Variants in KAT6B observed in about 807,000 individuals in gnomAD.
KAT6B encodes the protein histone acetyltransferase KAT6B.
KAT6B carries 10 observed loss-of-function variants against 187.5 expected under a neutral mutation model. The ratio of observed to expected loss-of-function variants is 0.05; its 90% CI spans 0.03 to 0.09. The LOEUF is 0.09. KAT6B is among the 10% of genes least tolerant of loss of function. KAT6B has a pLI of 1.00. For synonymous variants in KAT6B, 861 were observed against 926.8 expected (o/e 0.93, Z 1.29); for missense variants, 1,952 against 2,558.9 (o/e 0.76, Z 5.12).
chr10:74,882,163 C>G (rs916556903), intron 3 of KAT6B, among the ~76,000 whole-genome samples: 2 of 152,258 alleles, frequency 1.3e-5, no homozygotes, highest in Non-Finnish European at 2.9e-5. Flanking sequence ...TCTGCCCCTT[C>G]TTCAAGATTT....
intron 3 of KAT6B, among the ~76,000 whole-genome samples, chr10:74,950,593 T>G (rs1011145034): frequency 6.6e-6 from 1 of 152,232 alleles, no homozygotes; most frequent in Non-Finnish European, 1.5e-5. Context: ...AAACTTGATC[T>G]GTTCCGACAG....
chr10:75,022,668 C>T (rs1378236024), intron 16 of KAT6B, among the ~76,000 whole-genome samples: 8 of 152,200 alleles, frequency 5.3e-5, no homozygotes, highest in African/African-American at 1.9e-4. Context: ...CAGTGGCTCA[C>T]GCCTGTAATC....
intron 17 of KAT6B, among the ~76,000 whole-genome samples, chr10:75,027,440 C>T (rs568211564): frequency 1.6e-4 from 24 of 152,240 alleles, no homozygotes; most frequent in African/African-American, 5.5e-4. Flanking sequence ...ATTGTGAGAT[C>T]TTATTTTTAT....
chr10:75,000,124 A>G (rs1843724411), intron 13 of KAT6B, among the ~76,000 whole-genome samples: 1 of 151,886 alleles, frequency 6.6e-6, no homozygotes, highest in South Asian at 2.1e-4. Flanking sequence ...GTGAGCTGAG[A>G]TCACCCCACT....
intron 3 of KAT6B, among the ~76,000 whole-genome samples, chr10:74,871,100 T>G (rs1843914521): frequency 1.4e-5 from 2 of 145,506 alleles, no homozygotes; most frequent in Admixed American, 7.0e-5. Context: ...CGGGCTGGTC[T>G]CAAACTCCTG....
At chr10:74,960,109 A>G (rs1358068231) in intron 4 of KAT6B, 31 bp downstream of exon 4, 26 of 1,267,996 alleles carry the variant, frequency 2.1e-5, no homozygotes, top group Non-Finnish European at 2.9e-5. Context: ...GTGTTGTACA[A>G]TGACTTCCCA....
At chr10:75,016,413 A>T (rs543054020) in intron 13 of KAT6B, among the ~76,000 whole-genome samples, 1 of 152,302 alleles carries the variant, frequency 6.6e-6, no homozygotes, top group Non-Finnish European at 1.5e-5. Context: ...AATCCTTTGA[A>T]TTGATTATGT....
intron 3 of KAT6B, among the ~76,000 whole-genome samples, chr10:74,933,779 A>G (rs1849041351): frequency 1.3e-5 from 2 of 152,152 alleles, no homozygotes; most frequent in Non-Finnish European, 2.9e-5. Context: ...TTCTTTGAAA[A>G]ATTGTCTTTA....
In KAT6B at chr10:74,934,344, C is replaced by T. The variant is rs186635057; in HGVS notation, c.622-25626C>T. ...TGAATTTAGAACAATTTCTGGATGA[C>T]TTTTTTTCTCTCAACATACAGACAT... On this transcript the variant is annotated intron_variant, in intron 3 of 17. Coordinates refer to ENST00000287239, the MANE Select transcript of KAT6B (RefSeq NM_012330.4). Among the ~76,000 whole-genome samples the T allele has an allele frequency of 3.4e-3, 522 of 152,216 alleles. 1 individual carries two copies. Among genetic ancestry groups the T allele is most frequent in the Non-Finnish European group, 5.8e-3 (392 of 67,996 alleles).
In KAT6B at chr10:74,951,919, A is replaced by G. The variant is rs193072057; in HGVS notation, c.622-8051A>G. Reference sequence around the variant, plus strand: ...TATTCATTTGTTTATTCATTTATTCAATAGATACACTTTTGAAGCTGGGGC... The same window carrying G: ...TATTCATTTGTTTATTCATTTATTCGATAGATACACTTTTGAAGCTGGGGC... On this transcript the variant is annotated intron_variant, in intron 3 of 17. Coordinates refer to ENST00000287239, the MANE Select transcript of KAT6B (RefSeq NM_012330.4). Among the ~76,000 whole-genome samples the G allele has an allele frequency of 4.6e-5, 7 of 152,350 alleles. No homozygotes were observed. In the East Asian group the frequency reaches 1.3e-3, roughly 29 times the overall value.
Position 75,032,419 on chromosome 10 carries a change from G to A in KAT6B, c.*1373G>A, listed in dbSNP as rs1846374283. 1 of 189,038 alleles carries A rather than the reference G, an allele frequency of 5.3e-6. No individual in the cohort carries two copies. The highest frequency in any genetic ancestry group is 6.2e-5 in the Admixed American group (1 of 16,198). The allele number at this position is 189,038 out of a possible 1,614,324, so 11.7% of individuals were successfully genotyped here. ...TATTTAGTGTAAATTGGAGTTATGG[G>A]ATTTTCTGATTTGTTTTGACTTTGG... On this transcript the variant is annotated 3_prime_UTR_variant, in exon 18 of 18. Coordinates refer to ENST00000287239, the MANE Select transcript of KAT6B (RefSeq NM_012330.4).
intron 13 of KAT6B, among the ~76,000 whole-genome samples, chr10:75,005,281 G>T (rs370059519): frequency 2.0e-5 from 3 of 150,496 alleles, no homozygotes. Flanking sequence ...GCAGTGGCAC[G>T]ATCTCAGCTC....
intron 12 of KAT6B, 50 bp from the exon 13 acceptor site, chr10:74,988,969 C>A: frequency 7.8e-7 from 1 of 1,288,840 alleles, no homozygotes; most frequent in Non-Finnish European, 1.1e-6. Context: ...CAGGGAATTG[C>A]CCACTTCAGC....
At chr10:74,987,011 C>G (rs1589759109) in intron 12 of KAT6B, among the ~76,000 whole-genome samples, 1 of 152,312 alleles carries the variant, frequency 6.6e-6, no homozygotes. Context: ...TTACTCAGAA[C>G]TAGCTCAACT....
At chr10:74,871,670 A>G (rs1298826513) in intron 3 of KAT6B, among the ~76,000 whole-genome samples, 1 of 152,236 alleles carries the variant, frequency 6.6e-6, no homozygotes, top group East Asian at 1.9e-4. Flanking sequence ...TGTCTCTACA[A>G]GAAATTTAAG....
Position 74,985,133 on chromosome 10 carries a change from G to A in KAT6B, c.2427G>A (p.Lys809=), listed in dbSNP as rs1298496829. Residue 809 remains lysine, a synonymous_variant, in exon 12 of 18, where the codon AAG becomes AAA. Transcript: ENST00000287239. ...GCCAAAACCTTTGCTTGTTAGCCAA[G>A]CTCTTCCTGGACCACAAAACGTTGT... ...IYCQNLCLLA[K]LFLDHKTLYY... 1 of 1,614,102 alleles carries A rather than the reference G, an allele frequency of 6.2e-7. No individual in the cohort carries two copies. Among genetic ancestry groups the A allele is most frequent in the South Asian group, 1.1e-5 (1 of 91,082 alleles).
At chr10:74,879,573 C>G (rs1019751942) in intron 3 of KAT6B, among the ~76,000 whole-genome samples, 1 of 152,088 alleles carries the variant, frequency 6.6e-6, no homozygotes, top group African/African-American at 2.4e-5. Flanking sequence ...ACTATATTAC[C>G]CAAATTCAGG....
chr10:75,002,567 A>G (rs911239462), intron 13 of KAT6B, among the ~76,000 whole-genome samples: 6 of 151,892 alleles, frequency 4.0e-5, no homozygotes, highest in African/African-American at 1.2e-4. Flanking sequence ...GTCGAAGTCT[A>G]TAGGTTACTA....
At chr10:74,852,774 T>C (rs1229486000) in intron 3 of KAT6B, among the ~76,000 whole-genome samples, 1 of 152,234 alleles carries the variant, frequency 6.6e-6, no homozygotes, top group Non-Finnish European at 1.5e-5. Context: ...TTTTAACTCT[T>C]TGGATCTTAG....
Sources: gnomAD v4.1 joint callset for allele counts (sites outside exome capture counted in the v4.1 genomes callset) on GRCh38, gnomAD v4.1.1 for gene constraint, MANE v1.5 for transcripts, NCBI Gene and HGNC (gene_info 2026-07-23, HGNC 2026-07-21) for gene names.